The following LPA variants were observed in gnomAD, a reference collection of about 807,000 sequenced individuals.
The protein encoded by LPA is lipoprotein(a), also known as apolipoprotein(a).
In LPA, 199 loss-of-function variants were observed where a neutral mutation model predicts 197.9. The ratio of observed to expected loss-of-function variants is 1.01; its 90% CI spans 0.90 to 1.13. LPA has a LOEUF of 1.13. LPA is among the 50% of genes most tolerant of loss of function. The pLI, the probability that LPA is intolerant of heterozygous loss-of-function variation, is 0.00. For missense variants in LPA, 1,853 were observed against 1,785.8 expected (o/e 1.04, Z -0.68); for synonymous variants, 715 against 639.5 (o/e 1.12, Z -1.78).
Position 160,578,694 on chromosome 6 carries a change from T to A in LPA, c.4300A>T (p.Arg1434Trp). The change falls in exon 27 of 39, where the codon AGG becomes TGG. Residue 1434 changes from arginine to tryptophan, a missense_variant. Transcript: ENST00000316300. ...PLYYPNAGLT[R>W]NYCRNPDAEI... Reference sequence around the variant, plus strand: ...GCATCTGGATTCCTGCAGTAGTTCCTGGTCAGGCCACTGCAAATTTCAAAA... The same window carrying A: ...GCATCTGGATTCCTGCAGTAGTTCCAGGTCAGGCCACTGCAAATTTCAAAA... 3.7e-6 allele frequency: 6 copies of A among 1,613,804 alleles called. No individual in the cohort carries two copies. Among genetic ancestry groups the A allele is most frequent in the Non-Finnish European group, 5.1e-6 (6 of 1,179,878 alleles).
rs868572829 is a variant in LPA, at chr6:160,654,066, T to A, written c.50-3569A>T. Among the ~76,000 whole-genome samples the A allele has an allele frequency of 2.6e-3, 45 of 17,628 alleles. 3 individuals carry two copies. Among genetic ancestry groups the A allele is most frequent in the African/African-American group, 0.012 (40 of 3,338 alleles). The allele number at this position is 17,628 out of a possible 152,430, so 11.6% of individuals were successfully genotyped here. On this transcript the variant is annotated intron_variant, in intron 1 of 38. Coordinates refer to ENST00000316300, the MANE Select transcript of LPA (RefSeq NM_005577.4). ...ATAATATATAATATATTATATATAT[T>A]ATATATAATATATATTATATATATT...
chr6:160,599,419 GCAGT>G, intron 20 of LPA, 77 bp downstream of exon 20: 1 of 1,577,966 alleles, frequency 6.3e-7, no homozygotes, highest in South Asian at 1.1e-5. Context: ...TGAGTCCTGA[GCAGT>G]CACCTTGAAG....
chr6:160,551,659 G>A (rs539373145), intron 30 of LPA, among the ~76,000 whole-genome samples: 1 of 152,198 alleles, frequency 6.6e-6, no homozygotes, highest in East Asian at 1.9e-4. Context: ...CATATTTCAG[G>A]TTCAGTTTTA....
At chr6:160,578,219 G>A (rs948618338) in intron 27 of LPA, among the ~76,000 whole-genome samples, 2 of 152,168 alleles carry the variant, frequency 1.3e-5, no homozygotes, top group South Asian at 2.1e-4. Flanking sequence ...TTGGCAGGCT[G>A]TTAGAATATC....
intron 26 of LPA, among the ~76,000 whole-genome samples, chr6:160,578,935 C>T (rs1175126513): frequency 6.6e-6 from 1 of 152,168 alleles, no homozygotes; most frequent in Non-Finnish European, 1.5e-5. Context: ...GTAGTATATG[C>T]TCTCTATGAA....
intron 34 of LPA, 23 bp downstream of exon 34, chr6:160,542,665 A>G: frequency 6.2e-7 from 1 of 1,612,266 alleles, no homozygotes. Flanking sequence ...GACAGTATAG[A>G]TGGTTTCTGG....
intron 28 of LPA, among the ~76,000 whole-genome samples, chr6:160,573,804 C>T (rs1164397923): frequency 6.6e-6 from 1 of 152,142 alleles, no homozygotes; most frequent in Non-Finnish European, 1.5e-5. Context: ...CTGTGGATAC[C>T]AGTGCCTGTT....
chr6:160,646,946 C>T (rs1233043477), intron 2 of LPA, among the ~76,000 whole-genome samples: 1 of 152,090 alleles, frequency 6.6e-6, no homozygotes, highest in African/African-American at 2.4e-5. Flanking sequence ...AGTGAAAAGG[C>T]TCTACCTTTC....
chr6:160,600,333 G>C (rs1052754689), intron 19 of LPA, among the ~76,000 whole-genome samples: 5 of 152,156 alleles, frequency 3.3e-5, no homozygotes, highest in Non-Finnish European at 1.5e-5. Context: ...CCATCAGAAA[G>C]AGGCAAAAGC....
intron 28 of LPA, among the ~76,000 whole-genome samples, chr6:160,576,394 A>ATATATATATATATATATATATGTG (rs1778673879): frequency 3.7e-5 from 2 of 53,752 alleles, no homozygotes; most frequent in Non-Finnish European, 4.7e-5. Flanking sequence ...ATATATGTAT[A>ATATATATATATATATATATATGTG]TATATATATA....
intron 1 of LPA, among the ~76,000 whole-genome samples, chr6:160,656,268 A>AT (rs541738196): frequency 6.6e-6 from 1 of 151,994 alleles, no homozygotes; most frequent in African/African-American, 2.4e-5. Flanking sequence ...ATTGTTTTTG[A>AT]TTTTTTTATT....
At chr6:160,556,899 C>T (rs113758051) in intron 29 of LPA, among the ~76,000 whole-genome samples, 33 of 152,046 alleles carry the variant, frequency 2.2e-4, no homozygotes, top group African/African-American at 7.7e-4. Context: ...CTGAAATAAG[C>T]CAGAGAAATA....
intron 28 of LPA, among the ~76,000 whole-genome samples, chr6:160,572,980 C>A (rs1417625550): frequency 1.3e-5 from 2 of 152,158 alleles, no homozygotes; most frequent in Non-Finnish European, 2.9e-5. Context: ...GTCTAGGTGT[C>A]CAGCAAGGCC....
intron 28 of LPA, 103 bp downstream of exon 28, chr6:160,577,033 T>A (rs1043127103): frequency 2.8e-6 from 4 of 1,444,338 alleles, no homozygotes; most frequent in South Asian, 2.3e-5. Flanking sequence ...AAAATGTGAG[T>A]CTAAGAGAAA....
intron 24 of LPA, among the ~76,000 whole-genome samples, chr6:160,588,289 C>T (rs1485773486): frequency 6.6e-6 from 1 of 151,784 alleles, no homozygotes; most frequent in Non-Finnish European, 1.5e-5. Flanking sequence ...AGTTAATTTA[C>T]TTGGAGATCA....
At position 160,589,475 on chromosome 6, in the gene LPA, G is replaced by A. The variant is rs937276451; in HGVS notation, c.3947+78C>T. 4 of 1,558,766 alleles carry A rather than the reference G, an allele frequency of 2.6e-6. No homozygotes were observed. In the Admixed American group the frequency reaches 5.0e-5, roughly 20 times the overall value. On this transcript the variant is annotated intron_variant, in intron 24 of 38. Coordinates refer to ENST00000316300, the MANE Select transcript of LPA (RefSeq NM_005577.4). ...TCTGAGAGAAATTGGGTCATAAGAAGTTAGCTGGAAGCATGGCTCTTCCAG... is the reference window on the plus strand; with the variant it reads ...TCTGAGAGAAATTGGGTCATAAGAAATTAGCTGGAAGCATGGCTCTTCCAG...
At chr6:160,576,398 A>ATATATATATGTG (rs57921799) in intron 28 of LPA, among the ~76,000 whole-genome samples, 1 of 54,988 alleles carries the variant, frequency 1.8e-5, no homozygotes, top group African/African-American at 1.2e-4. Flanking sequence ...ATGTATATAT[A>ATATATATATGTG]TATATATATA....
chr6:160,611,288 G>C lies in LPA; in HGVS notation c.2603+274C>G, dbSNP rs556378363. Among the ~76,000 whole-genome samples the C allele has an allele frequency of 4.6e-5, 7 of 152,196 alleles. No homozygotes were observed. In the South Asian group the frequency reaches 8.3e-4, roughly 18 times the overall value. On this transcript the variant is annotated intron_variant, in intron 16 of 38. Transcript: ENST00000316300. ...TGGGTGTTGGGCAAGGGTAATCTAA[G>C]TGTTTGGTGGTTCGTCATTCTGACT...
At position 160,595,347 on chromosome 6, in the gene LPA, T is replaced by C. The variant is rs1170476327; in HGVS notation, c.3469+7A>G. 1.2e-6 allele frequency: 2 copies of C among 1,611,536 alleles called. No homozygotes were observed. Among genetic ancestry groups the C allele is most frequent in the Non-Finnish European group, 1.7e-6 (2 of 1,179,842 alleles). The stretch of plus-strand genomic sequence containing the variant: ...AGGGTGTGGTTGTCTGGCCATAGAC[T>C]TCCTACCTTCTTCAGAAGAAGCCTC... On this transcript the variant is annotated splice_region_variant and intron_variant, in intron 21 of 38. Coordinates refer to ENST00000316300, the MANE Select transcript of LPA (RefSeq NM_005577.4).
Sources: allele counts gnomAD v4.1 joint callset (sites outside exome capture counted in the v4.1 genomes callset), GRCh38; gene constraint gnomAD v4.1.1; transcripts MANE v1.5; gene names NCBI Gene and HGNC (gene_info 2026-07-23, HGNC 2026-07-21).